ZDHHC15: variants seen among roughly 807,000 people sequenced by gnomAD.
The protein encoded by ZDHHC15 is zDHHC palmitoyltransferase 15.
Under a neutral mutation model 31.7 loss-of-function variants are expected in ZDHHC15, and 19 were observed. The ratio of observed to expected loss-of-function variants is 0.60; its 90% CI spans 0.42 to 0.88. The LOEUF is 0.88. Ranked by LOEUF, ZDHHC15 falls within the 40% of genes least tolerant of loss-of-function variation. The pLI is 0.00. For synonymous variants in ZDHHC15, 103 were observed against 90.0 expected, an observed-to-expected ratio of 1.14 and a Z score of -0.82; for missense variants, 209 against 251.2, an observed-to-expected ratio of 0.83 and a Z score of 1.14.
At chrX:75,469,837 C>A (rs186298772) in intron 3 of ZDHHC15, among the ~76,000 whole-genome samples, 1 of 111,898 alleles carries the variant, frequency 8.9e-6, no homozygotes, top group African/African-American at 3.2e-5. Context: ...ACCATTCCCA[C>A]CAACAGCCTT....
intron 4 of ZDHHC15, among the ~76,000 whole-genome samples, chrX:75,437,236 T>C (rs1234995968): frequency 2.8e-5 from 3 of 106,423 alleles, no homozygotes; most frequent in Non-Finnish European, 3.9e-5. Context: ...GTCTACTGTT[T>C]CTTTGTTGTT....
At chrX:75,515,557 TA>T (rs2085343028) in intron 1 of ZDHHC15, among the ~76,000 whole-genome samples, 1 of 111,702 alleles carries the variant, frequency 9.0e-6, no homozygotes, top group African/African-American at 3.3e-5. Context: ...AAACTCTCAA[TA>T]AACTAGGTAT....
intron 10 of ZDHHC15, among the ~76,000 whole-genome samples, chrX:75,388,346 A>G (rs2083202307): frequency 8.9e-6 from 1 of 112,504 alleles, no homozygotes; most frequent in Non-Finnish European, 1.9e-5. Flanking sequence ...AGACAAATCT[A>G]TCAAAAACAA....
At chrX:75,514,869 C>T (rs186745957) in intron 1 of ZDHHC15, among the ~76,000 whole-genome samples, 90 of 110,990 alleles carry the variant, frequency 8.1e-4, no homozygotes, top group Admixed American at 4.9e-3. Flanking sequence ...CAAATAGACG[C>T]AATAAAAAAA....
intron 3 of ZDHHC15, among the ~76,000 whole-genome samples, chrX:75,474,433 T>TTATA (rs753564700): frequency 9.8e-5 from 5 of 51,026 alleles, no homozygotes; most frequent in African/African-American, 2.8e-4. Flanking sequence ...AAACTCCCCT[T>TTATA]TATATATATA....
chrX:75,443,557 G>T (rs1048580020), intron 4 of ZDHHC15, among the ~76,000 whole-genome samples: 3 of 111,952 alleles, frequency 2.7e-5, no homozygotes, highest in African/African-American at 6.5e-5. Context: ...CATAGGCATG[G>T]TCAAAGACCT....
chrX:75,438,073 A>G lies in ZDHHC15; in HGVS notation c.380-6553T>C, dbSNP rs2083888379. 2.7e-5 allele frequency among the ~76,000 whole-genome samples: 3 copies of G among 112,297 alleles called. No individual in the cohort carries two copies. In the South Asian group the frequency reaches 1.1e-3, roughly 42 times the overall value. On this transcript the variant is annotated intron_variant, in intron 4 of 11. Coordinates refer to ENST00000373367, the MANE Select transcript of ZDHHC15 (RefSeq NM_144969.3). ...TCAGAGAAATGCAAATCACAACCAC[A>G]ATGAGATACCATCTCACACCTGTTA... is the stretch of plus-strand genomic sequence containing the variant.
intron 1 of ZDHHC15, among the ~76,000 whole-genome samples, chrX:75,521,820 T>G (rs2085446124): frequency 9.0e-6 from 1 of 110,809 alleles, no homozygotes; most frequent in Non-Finnish European, 1.9e-5. Context: ...CCAAAGGAAG[T>G]GGATGGCAGA....
chrX:75,470,162 A>G (rs2084481177), intron 3 of ZDHHC15, among the ~76,000 whole-genome samples: 1 of 111,261 alleles, frequency 9.0e-6, no homozygotes, highest in African/African-American at 3.3e-5. Context: ...CTGAGTAAGC[A>G]CCATCTAATC....
At chrX:75,492,290 A>C (rs2084910953) in intron 2 of ZDHHC15, among the ~76,000 whole-genome samples, 1 of 111,607 alleles carries the variant, frequency 9.0e-6, no homozygotes, top group African/African-American at 3.3e-5. Context: ...GCAAGTCCTG[A>C]GTGACCTACA....
chrX:75,460,768 C>T (rs1469973789), intron 3 of ZDHHC15, among the ~76,000 whole-genome samples: 1 of 111,255 alleles, frequency 9.0e-6, no homozygotes, highest in East Asian at 2.8e-4. Flanking sequence ...AAAGACCCCA[C>T]AAAAAACTTA....
intron 2 of ZDHHC15, among the ~76,000 whole-genome samples, chrX:75,505,541 G>A (rs969301757): frequency 9.0e-6 from 1 of 110,798 alleles, no homozygotes; most frequent in African/African-American, 3.3e-5. Flanking sequence ...GTTGAACAAA[G>A]AGACAGCCTA....
chrX:75,478,562 G>T (rs2084640771), intron 3 of ZDHHC15, among the ~76,000 whole-genome samples: 1 of 111,197 alleles, frequency 9.0e-6, no homozygotes, highest in Admixed American at 9.6e-5. Context: ...AAAAAATTCT[G>T]TGTATTGACA....
intron 3 of ZDHHC15, among the ~76,000 whole-genome samples, chrX:75,477,040 C>T (rs1377845898): frequency 1.8e-5 from 2 of 111,147 alleles, no homozygotes; most frequent in Non-Finnish European, 3.8e-5. Context: ...CTGAGCACTG[C>T]TTTATTGCAT....
intron 3 of ZDHHC15, among the ~76,000 whole-genome samples, chrX:75,461,299 C>T (rs2084310890): frequency 9.0e-6 from 1 of 111,344 alleles, no homozygotes; most frequent in Non-Finnish European, 1.9e-5. Context: ...GAGAGCAAAC[C>T]TACAACTGAT....
At chrX:75,465,482 AG>A (rs1287142719) in intron 3 of ZDHHC15, among the ~76,000 whole-genome samples, 1 of 112,031 alleles carries the variant, frequency 8.9e-6, no homozygotes, top group Non-Finnish European at 1.9e-5. Context: ...GAACCAAAAA[AG>A]AGCCTGAATA....
chrX:75,378,933 CT>C (rs750984275), intron 11 of ZDHHC15, among the ~76,000 whole-genome samples, 186 bp downstream of exon 11: 1 of 110,927 alleles, frequency 9.0e-6, no homozygotes, highest in South Asian at 3.9e-4. Flanking sequence ...ATAAGGGCAT[CT>C]TTTTTTTCAG....
intron 2 of ZDHHC15, among the ~76,000 whole-genome samples, chrX:75,485,416 GA>G (rs1387014795): frequency 7.2e-5 from 8 of 111,161 alleles, no homozygotes; most frequent in African/African-American, 2.6e-4. Flanking sequence ...AAGCTGTGTT[GA>G]TAGGTACACA....
intron 2 of ZDHHC15, among the ~76,000 whole-genome samples, chrX:75,480,311 A>G (rs2084669241): frequency 9.1e-6 from 1 of 110,120 alleles, no homozygotes; most frequent in Non-Finnish European, 1.9e-5. Flanking sequence ...CTAACTTCTC[A>G]CCTCCCCATT....
Sources: gnomAD v4.1 joint callset for allele counts (sites outside exome capture counted in the v4.1 genomes callset) on GRCh38, gnomAD v4.1.1 for gene constraint, MANE v1.5 for transcripts, NCBI Gene and HGNC (gene_info 2026-07-23, HGNC 2026-07-21) for gene names.